PCDH15: variants seen among roughly 807,000 people sequenced by gnomAD.
PCDH15 encodes protocadherin-15.
A neutral mutation model predicts 178.5 loss-of-function variants in PCDH15; 129 were observed. The ratio of observed to expected loss-of-function variants is 0.72; its 90% CI spans 0.63 to 0.84. The LOEUF (loss-of-function observed/expected upper bound fraction) is 0.84. Ranked by LOEUF, PCDH15 falls within the 40% of genes least tolerant of loss-of-function variation. The pLI, the probability that PCDH15 is intolerant of heterozygous loss-of-function variation, is 0.00. For missense variants in PCDH15, 2,230 were observed against 2,099.9 expected (o/e 1.06, Z -1.21); for synonymous variants, 800 against 732.0 (o/e 1.09, Z -1.50).
At chr10:54,733,289 T>C (rs1224618380) in intron 1 of PCDH15, among the ~76,000 whole-genome samples, 1 of 151,592 alleles carries the variant, frequency 6.6e-6, no homozygotes, top group East Asian at 1.9e-4. Context: ...ATTTAGTAAG[T>C]CACAGGATAC....
chr10:54,977,516 G>A (rs1305932774), intron 2 of PCDH15, among the ~76,000 whole-genome samples: 1 of 152,042 alleles, frequency 6.6e-6, no homozygotes, highest in Non-Finnish European at 1.5e-5. Flanking sequence ...TCCAAAAAGG[G>A]GAGAAACCCC....
At chr10:55,467,768 A>C (rs1441824431) in intron 2 of PCDH15, among the ~76,000 whole-genome samples, 1 of 151,740 alleles carries the variant, frequency 6.6e-6, no homozygotes, top group African/African-American at 2.4e-5. Flanking sequence ...GATCGAGATC[A>C]TCCTCGCTGA....
chr10:54,294,157 T>C (rs538701869), intron 8 of PCDH15, among the ~76,000 whole-genome samples: 25 of 152,322 alleles, frequency 1.6e-4, no homozygotes, highest in African/African-American at 5.8e-4. Context: ...GATGAGTTAA[T>C]GTTCTTTGCA....
At chr10:54,156,535 C>T (rs1348488284) in intron 13 of PCDH15, among the ~76,000 whole-genome samples, 2 of 152,138 alleles carry the variant, frequency 1.3e-5, no homozygotes, top group Non-Finnish European at 2.9e-5. Context: ...GAAAGACTTG[C>T]CCCAATGATT....
At chr10:54,257,034 C>T (rs2132204039) in intron 8 of PCDH15, among the ~76,000 whole-genome samples, 1 of 148,400 alleles carries the variant, frequency 6.7e-6, no homozygotes, top group East Asian at 2.0e-4. Context: ...TTCTCATTCT[C>T]TCTCTCTCGA....
chr10:55,072,233 G>T (rs1404606156), intron 2 of PCDH15, among the ~76,000 whole-genome samples: 1 of 152,006 alleles, frequency 6.6e-6, no homozygotes, highest in Non-Finnish European at 1.5e-5. Context: ...CAGAAGGCAA[G>T]AAATAACTAA....
intron 2 of PCDH15, among the ~76,000 whole-genome samples, chr10:54,650,725 G>A (rs1247102196): frequency 6.6e-6 from 1 of 152,078 alleles, no homozygotes; most frequent in Admixed American, 6.5e-5. Flanking sequence ...CAGCAGACAA[G>A]GGAGAGAATG....
chr10:54,970,053 T>C (rs1384351876), intron 2 of PCDH15, among the ~76,000 whole-genome samples: 3 of 152,074 alleles, frequency 2.0e-5, no homozygotes, highest in Non-Finnish European at 4.4e-5. Context: ...CCTTAGGAGA[T>C]GATTAGGCCA....
At chr10:54,120,776 TAG>T (rs563081726) in intron 15 of PCDH15, among the ~76,000 whole-genome samples, 1 of 152,132 alleles carries the variant, frequency 6.6e-6, no homozygotes, top group East Asian at 1.9e-4. Flanking sequence ...CCCCACATTG[TAG>T]AGTCTAGATT....
In PCDH15 at chr10:54,322,424, CTG is replaced by C. The variant is rs2061672241; in HGVS notation, c.706-4985_706-4984del. Among the ~76,000 whole-genome samples the C allele has an allele frequency of 2.0e-5, 3 of 151,774 alleles. No homozygotes were observed. The South Asian group carries it at 6.2e-4, about 32-fold the overall frequency. On this transcript the variant is annotated intron_variant, in intron 7 of 37. Transcript: ENST00000644397. ...CAGGATATTACATTAAGTTAGGAAA[CTG>C]TGATTCTAGTTGGCAAGCAAGAATA...
chr10:55,462,479 A>C (rs1180536623), intron 2 of PCDH15, among the ~76,000 whole-genome samples: 1 of 152,170 alleles, frequency 6.6e-6, no homozygotes, highest in Non-Finnish European at 1.5e-5. Context: ...ACTTCTTCTG[A>C]GTATGGCAAG....
intron 8 of PCDH15, among the ~76,000 whole-genome samples, chr10:54,240,364 T>A (rs1247075533): frequency 4.0e-5 from 6 of 151,758 alleles, no homozygotes; most frequent in Non-Finnish European, 8.8e-5. Context: ...AAGTATCCAA[T>A]GCTGATGAAC....
At position 54,020,237 on chromosome 10, in the gene PCDH15, A is replaced by G. The variant is rs1165535726; in HGVS notation, c.2706T>C (p.Tyr902=). 1.2e-6 allele frequency: 2 copies of G among 1,613,746 alleles called. No individual in the cohort carries two copies. The highest frequency in any genetic ancestry group is 3.3e-5 in the Admixed American group (2 of 59,942). ...ITFLVEAFDI[Y]GTMPPGIATV... ...TAGCAATACCAGGTGGCATTGTTCC[A>G]TAAATATCAAAGGCCTCTACCAGAA... The change falls in exon 20 of 38, where the codon TAT becomes TAC. Residue 902 remains tyrosine (Y), a synonymous_variant. Coordinates refer to ENST00000644397, the MANE Select transcript of PCDH15 (RefSeq NM_001384140.1).
At chr10:53,972,056 C>T (rs947387701) in intron 21 of PCDH15, among the ~76,000 whole-genome samples, 9 of 152,048 alleles carry the variant, frequency 5.9e-5, no homozygotes, top group Admixed American at 5.9e-4. Flanking sequence ...TCTACAGTAA[C>T]CAAAAACAGC....
rs778193787 is a variant in PCDH15, at chr10:53,831,406, C to T, written c.4111G>A (p.Gly1371Arg). 6.2e-7 allele frequency: 1 copy of T among 1,614,044 alleles called. No homozygotes were observed. The highest frequency in any genetic ancestry group is 1.7e-5 in the Admixed American group (1 of 59,998). The change falls in exon 30 of 38, where the codon GGA becomes AGA. Residue 1371 changes from glycine (G) to arginine (R), a missense_variant. Physicochemically the swap from Gly to Arg is moderately radical, Grantham distance 125. Coordinates refer to ENST00000644397, the MANE Select transcript of PCDH15 (RefSeq NM_001384140.1). ...TSIKKRGESLGYTEGALLALA... is the reference protein window; with the variant it reads ...TSIKKRGESLRYTEGALLALA... The stretch of plus-strand genomic sequence containing the variant: ...GCCAACAAGGCCCCTTCTGTGTATC[C>T]TAGACTTTCTCCTCTCTTTTTAATG...
intron 2 of PCDH15, among the ~76,000 whole-genome samples, chr10:55,430,103 A>C (rs1838847935): frequency 6.6e-6 from 1 of 152,178 alleles, no homozygotes; most frequent in Admixed American, 6.5e-5. Context: ...AAGCCTGGGC[A>C]ACATAGTGAT....
Position 54,452,409 on chromosome 10 carries a change from C to A in PCDH15, c.158-73467G>T, listed in dbSNP as rs1384779224. On this transcript the variant is annotated intron_variant, in intron 3 of 37. Coordinates refer to ENST00000644397, the MANE Select transcript of PCDH15 (RefSeq NM_001384140.1). ...TCTGTGGTAGTTGATAGAATTTTAC[C>A]TATATTTATGCTAATAAATCAATTA... is the stretch of plus-strand genomic sequence containing the variant. 2.0e-5 allele frequency: 3 copies of A among 151,884 alleles called. No homozygotes were observed. The East Asian group carries it at 5.8e-4, about 29-fold the overall frequency. The allele number at this position is 151,884 out of a possible 1,614,324, so 9.4% of individuals were successfully genotyped here.
chr10:55,305,657 A>C (rs1843403322), intron 1 of PCDH15, among the ~76,000 whole-genome samples: 1 of 152,248 alleles, frequency 6.6e-6, no homozygotes, highest in Non-Finnish European at 1.5e-5. Context: ...AATGGGAATA[A>C]ACTACTCTGA....
chr10:54,474,762 A>C (rs990088353), intron 3 of PCDH15, among the ~76,000 whole-genome samples: 5 of 152,050 alleles, frequency 3.3e-5, no homozygotes, highest in Admixed American at 1.3e-4. Flanking sequence ...AAATCCTGGC[A>C]TATTTTGCTA....
Sources: gnomAD v4.1 joint callset for allele counts (sites outside exome capture counted in the v4.1 genomes callset) on GRCh38, gnomAD v4.1.1 for gene constraint, MANE v1.5 for transcripts, NCBI Gene and HGNC (gene_info 2026-07-23, HGNC 2026-07-21) for gene names.